FANCL: variants seen among roughly 807,000 people sequenced by gnomAD.
FANCL encodes the protein FA complementation group L.
FANCL carries 69 observed loss-of-function variants against 59.4 expected under a neutral mutation model. The ratio of observed to expected loss-of-function variants is 1.16; its 90% confidence interval spans 0.96 to 1.42. FANCL has a LOEUF of 1.42. Among genes scored for constraint, FANCL ranks in the 40% most tolerant of loss-of-function variants. The pLI, the probability that FANCL is intolerant of heterozygous loss-of-function variation, is 0.00. For missense variants in FANCL, 519 were observed against 447.2 expected, an observed-to-expected ratio of 1.16 and a Z score of -1.45; for synonymous variants, 180 against 147.1, an observed-to-expected ratio of 1.22 and a Z score of -1.62.
intron 7 of FANCL, among the ~76,000 whole-genome samples, chr2:58,184,346 A>T (rs1188536589): frequency 6.6e-6 from 1 of 152,096 alleles, no homozygotes. Flanking sequence ...AAGGAGAAGT[A>T]AAAAATGCAT....
chr2:58,173,404 C>A (rs964568887), intron 7 of FANCL, among the ~76,000 whole-genome samples: 8 of 152,160 alleles, frequency 5.3e-5, no homozygotes, highest in African/African-American at 1.9e-4. Context: ...GGGTTACCCA[C>A]AAAGGGAAGC....
chr2:58,226,726 A>C lies in FANCL; in HGVS notation c.273+2T>G, dbSNP rs769663888. The C allele has an allele frequency of 6.2e-7, 1 of 1,611,782 alleles. No individual in the cohort carries two copies. ...AGTGTCAGAAAAAAAAAAAATTCTT[A>C]CCAAAAGCATCTTCAACTCCATCAT... On this transcript the variant is annotated splice_donor_variant, in intron 4 of 13. Transcript: ENST00000233741. LOFTEE classifies it high-confidence loss of function.
intron 5 of FANCL, among the ~76,000 whole-genome samples, chr2:58,205,408 A>G (rs1391302886): frequency 6.6e-6 from 1 of 152,066 alleles, no homozygotes; most frequent in Non-Finnish European, 1.5e-5. Context: ...AACAATGACT[A>G]TATTTTCTTT....
chr2:58,236,821 T>C (rs988526070), intron 1 of FANCL, among the ~76,000 whole-genome samples: 3 of 152,060 alleles, frequency 2.0e-5, no homozygotes, highest in South Asian at 4.1e-4. Context: ...TATGTTAATA[T>C]TGGAAAATAC....
At chr2:58,183,120 A>G (rs1688082996) in intron 7 of FANCL, among the ~76,000 whole-genome samples, 1 of 151,888 alleles carries the variant, frequency 6.6e-6, no homozygotes, top group Admixed American at 6.6e-5. Context: ...ATAGCAAAAT[A>G]TCTGTACCAT....
intron 5 of FANCL, among the ~76,000 whole-genome samples, chr2:58,213,093 T>C (rs1008900941): frequency 4.6e-5 from 7 of 152,232 alleles, no homozygotes; most frequent in African/African-American, 1.7e-4. Context: ...GATTTTATGA[T>C]TATACTGACA....
At chr2:58,213,859 G>T (rs75366675) in intron 5 of FANCL, among the ~76,000 whole-genome samples, 2,999 of 152,034 alleles carry the variant, frequency 0.02, 114 homozygotes, top group African/African-American at 0.069. Context: ...CATTTTATTC[G>T]TGGTAAGATA....
intron 5 of FANCL, among the ~76,000 whole-genome samples, chr2:58,219,656 A>G (rs1001737629): frequency 4.6e-5 from 7 of 151,442 alleles, no homozygotes; most frequent in Non-Finnish European, 1.0e-4. Context: ...CAGGAGAACA[A>G]AAGTCAGGTA....
At chr2:58,168,810 CACAGTGTAT>C (rs1342698639) in intron 7 of FANCL, among the ~76,000 whole-genome samples, 1 of 152,086 alleles carries the variant, frequency 6.6e-6, no homozygotes, top group Non-Finnish European at 1.5e-5. Context: ...GTTTACCCCT[CACAGTGTAT>C]ACAATGCCAC....
intron 4 of FANCL, 101 bp downstream of exon 4, chr2:58,226,627 A>T: frequency 1.2e-6 from 1 of 867,884 alleles, no homozygotes; most frequent in Non-Finnish European, 1.9e-6. Flanking sequence ...ACTGAGAGTT[A>T]AGAAGACAAA....
chr2:58,239,566 C>G (rs1234218936), intron 1 of FANCL, among the ~76,000 whole-genome samples: 1 of 152,154 alleles, frequency 6.6e-6, no homozygotes, highest in East Asian at 1.9e-4. Flanking sequence ...AAACATACAA[C>G]TGTATCATAA....
chr2:58,180,355 G>A (rs1687807789), intron 7 of FANCL, among the ~76,000 whole-genome samples: 1 of 152,132 alleles, frequency 6.6e-6, no homozygotes, highest in Non-Finnish European at 1.5e-5. Flanking sequence ...AAAAGAAAAT[G>A]TGGTACATAT....
At chr2:58,186,533 G>A (rs879853526) in intron 7 of FANCL, among the ~76,000 whole-genome samples, 3 of 152,206 alleles carry the variant, frequency 2.0e-5, no homozygotes, top group Non-Finnish European at 4.4e-5. Context: ...GGTTATTGTA[G>A]TCAATGGTAG....
rs866389885 is a variant in FANCL, at chr2:58,177,149, G to A, written c.541-11275C>T. 5.8e-3 allele frequency among the ~76,000 whole-genome samples: 888 copies of A among 152,302 alleles called. 11 individuals are homozygous for A. Among genetic ancestry groups the A allele is most frequent in the African/African-American group, 0.02 (839 of 41,562 alleles). On this transcript the variant is annotated intron_variant, in intron 7 of 13. Coordinates refer to ENST00000233741, the MANE Select transcript of FANCL (RefSeq NM_018062.4). ...GGAAACAACAGGTGCTGGAGAGGAT[G>A]TGGAGAAATAGGAACACTTTTACAC...
intron 7 of FANCL, among the ~76,000 whole-genome samples, chr2:58,186,797 C>A (rs1467848380): frequency 6.6e-6 from 1 of 152,186 alleles, no homozygotes; most frequent in Non-Finnish European, 1.5e-5. Context: ...TGTCAACATA[C>A]ACCACCACGA....
At chr2:58,230,018 T>C (rs1693416372) in intron 2 of FANCL, 144 bp from the exon 3 acceptor site, 1 of 641,096 alleles carries the variant, frequency 1.6e-6, no homozygotes, top group Non-Finnish European at 2.8e-6. Context: ...ACTGATACTG[T>C]TCAAAGTCTT....
Position 58,162,839 on chromosome 2 carries a change from G to T in FANCL, c.903+27C>A, listed in dbSNP as rs567636275. On this transcript the variant is annotated intron_variant, in intron 11 of 13. Coordinates refer to ENST00000233741, the MANE Select transcript of FANCL (RefSeq NM_018062.4). Reference sequence around the variant, plus strand: ...AAACTTCATTATGCAATACTGTCTGGAATATCAAAACACTGATAAAACTTA... The same window carrying T: ...AAACTTCATTATGCAATACTGTCTGTAATATCAAAACACTGATAAAACTTA... The T allele has an allele frequency of 2.5e-6, 4 of 1,577,906 alleles. No homozygotes were observed. In the East Asian group the frequency reaches 9.0e-5, roughly 35 times the overall value.
intron 7 of FANCL, among the ~76,000 whole-genome samples, chr2:58,172,706 T>C (rs1486750141): frequency 6.6e-6 from 1 of 151,956 alleles, no homozygotes; most frequent in Non-Finnish European, 1.5e-5. Flanking sequence ...CCAGAAAAAC[T>C]GGAAACTCTA....
intron 7 of FANCL, among the ~76,000 whole-genome samples, chr2:58,175,578 T>C (rs1464122742): frequency 6.6e-6 from 1 of 152,030 alleles, no homozygotes; most frequent in Non-Finnish European, 1.5e-5. Context: ...TTGACAAAAT[T>C]CAACAACGCT....
Sources: gnomAD v4.1 joint callset for allele counts (sites outside exome capture counted in the v4.1 genomes callset) on GRCh38, gnomAD v4.1.1 for gene constraint, MANE v1.5 for transcripts, NCBI Gene and HGNC (gene_info 2026-07-23, HGNC 2026-07-21) for gene names.